TRPM3: variants seen among roughly 807,000 people sequenced by gnomAD.
The protein encoded by TRPM3 is long transient receptor potential channel 3.
Under a neutral mutation model 181.2 loss-of-function variants are expected in TRPM3, and 77 were observed. The observed-to-expected ratio is 0.42, with a 90% CI of 0.35 to 0.51. The LOEUF (loss-of-function observed/expected upper bound fraction) is 0.51, where lower values mean the gene tolerates loss of function less well. TRPM3 is among the 20% of genes least tolerant of loss of function. TRPM3 has a pLI of 0.01. For synonymous variants in TRPM3, 745 were observed against 796.4 expected (o/e 0.94, Z 1.09); for missense variants, 1,759 against 2,196.7 (o/e 0.80, Z 3.98).
At chr9:71,285,684 C>G (rs1373747338) in intron 1 of TRPM3, among the ~76,000 whole-genome samples, 2 of 152,176 alleles carry the variant, frequency 1.3e-5, no homozygotes, top group African/African-American at 4.8e-5. Flanking sequence ...AGACATCATA[C>G]AAGGCTTTCT....
At chr9:71,375,840 A>G (rs1253026910) in intron 1 of TRPM3, among the ~76,000 whole-genome samples, 2 of 152,156 alleles carry the variant, frequency 1.3e-5, no homozygotes, top group South Asian at 2.1e-4. Context: ...TTTTAGCAAT[A>G]AAGTGTTTTT....
intron 1 of TRPM3, among the ~76,000 whole-genome samples, chr9:71,399,528 T>TTTTTG (rs2093288151): frequency 1.7e-5 from 2 of 114,710 alleles, no homozygotes; most frequent in African/African-American, 8.4e-5. Context: ...TTTCTTTTGT[T>TTTTTG]TTTTTTTTTT....
At chr9:70,654,725 C>G (rs1300965831) in intron 9 of TRPM3, among the ~76,000 whole-genome samples, 3 of 151,016 alleles carry the variant, frequency 2.0e-5, no homozygotes, top group South Asian at 4.2e-4. Flanking sequence ...CTCTGTCACC[C>G]AGGCTGGAGT....
At chr9:71,035,978 T>C (rs2058139215) in intron 1 of TRPM3, among the ~76,000 whole-genome samples, 1 of 132,694 alleles carries the variant, frequency 7.5e-6, no homozygotes, top group Non-Finnish European at 1.6e-5. Flanking sequence ...GATGCAAACA[T>C]AGGCTTTTTT....
intron 1 of TRPM3, among the ~76,000 whole-genome samples, chr9:71,360,079 TGTTA>T (rs1175054157): frequency 1.3e-5 from 2 of 152,056 alleles, no homozygotes; most frequent in Non-Finnish European, 1.5e-5. Context: ...CTACAATTAG[TGTTA>T]GTTATTATTA....
At chr9:71,120,789 G>GAGAGAAAGAAAAGCCCAGGAGCC (rs1343251508) in intron 1 of TRPM3, among the ~76,000 whole-genome samples, 3 of 152,192 alleles carry the variant, frequency 2.0e-5, no homozygotes. Context: ...TCCCCAGGGA[G>GAGAGAAAGAAAAGCCCAGGAGCC]AGAGAAAGAA....
chr9:70,756,043 T>C (rs185329374), intron 8 of TRPM3, among the ~76,000 whole-genome samples: 2 of 152,112 alleles, frequency 1.3e-5, no homozygotes, highest in Non-Finnish European at 2.9e-5. Context: ...CTCATCGGTA[T>C]GCTGTATTCT....
chr9:70,832,059 G>A (rs7865450), intron 5 of TRPM3, among the ~76,000 whole-genome samples: 64,189 of 122,418 alleles, frequency 0.52, 17,265 homozygotes, highest in Non-Finnish European at 0.56. Context: ...ACCAAACACC[G>A]CATATTCTCA....
intron 1 of TRPM3, among the ~76,000 whole-genome samples, chr9:70,864,803 C>A (rs2132444831): frequency 6.6e-6 from 1 of 152,034 alleles, no homozygotes; most frequent in Non-Finnish European, 1.5e-5. Context: ...AACAGAAAGA[C>A]AATGCTATTT....
At chr9:71,168,556 ATTTATTTATTTATTTATTT>A (rs2076658952) in intron 1 of TRPM3, among the ~76,000 whole-genome samples, 1 of 57,082 alleles carries the variant, frequency 1.8e-5, no homozygotes, top group African/African-American at 7.3e-5. Context: ...TTATTTATTT[ATTTATTTATTTATTTATTT>A]TTGTTTTTTA....
chr9:70,536,969 A>T lies in TRPM3; in HGVS notation c.4144T>A (p.Ser1382Thr). Residue 1382 changes from serine to threonine, a missense_variant, in exon 26 of 26, where the codon TCC becomes ACC. Physicochemically the swap from Ser to Thr is moderately conservative, Grantham distance 58. Coordinates refer to ENST00000677713, the MANE Select transcript of TRPM3 (RefSeq NM_001366145.2). ...RSLSLHRATSSHSVAKEPKAP... is the reference protein window; with the variant it reads ...RSLSLHRATSTHSVAKEPKAP... ...TTGGGTTCTTTTGCTACAGAGTGGG[A>T]ACTAGTAGCCCGGTGTAGGCTCAGG... is the stretch of plus-strand genomic sequence containing the variant. 2 of 1,613,834 alleles carry T rather than the reference A, an allele frequency of 1.2e-6. No homozygotes were observed. The highest frequency in any genetic ancestry group is 1.7e-6 in the Non-Finnish European group (2 of 1,179,752).
intron 1 of TRPM3, among the ~76,000 whole-genome samples, chr9:71,231,002 G>A (rs1456058587): frequency 6.6e-6 from 1 of 152,110 alleles, no homozygotes; most frequent in Non-Finnish European, 1.5e-5. Flanking sequence ...AATTTAACCA[G>A]TTTTTCCTAG....
intron 1 of TRPM3, among the ~76,000 whole-genome samples, chr9:71,290,174 T>C (rs535562888): frequency 9.9e-5 from 15 of 151,986 alleles, no homozygotes; most frequent in Non-Finnish European, 2.2e-4. Context: ...TGATGGGGCA[T>C]AGGTGATACG....
intron 1 of TRPM3, among the ~76,000 whole-genome samples, chr9:71,376,256 AT>A (rs1045127194): frequency 4.6e-5 from 7 of 152,022 alleles, no homozygotes; most frequent in African/African-American, 1.7e-4. Flanking sequence ...ATATCTCATC[AT>A]TTTTATTTAG....
chr9:71,328,976 T>C (rs553704817), intron 1 of TRPM3, among the ~76,000 whole-genome samples: 4 of 152,186 alleles, frequency 2.6e-5, no homozygotes, highest in Non-Finnish European at 4.4e-5. Flanking sequence ...GTAGACTTCA[T>C]TGGATTCAAA....
At chr9:71,061,898 A>T (rs1946219227) in intron 1 of TRPM3, among the ~76,000 whole-genome samples, 1 of 152,018 alleles carries the variant, frequency 6.6e-6, no homozygotes, top group Admixed American at 6.6e-5. Flanking sequence ...TCTGGACCCA[A>T]GGGGAGAGGG....
At chr9:71,426,598 T>G (rs1283998597) in intron 1 of TRPM3, among the ~76,000 whole-genome samples, 1 of 152,150 alleles carries the variant, frequency 6.6e-6, no homozygotes, top group Non-Finnish European at 1.5e-5. Context: ...CATGCTGTAA[T>G]GTTCTGCTGT....
chr9:70,870,224 G>T (rs567213793), intron 1 of TRPM3, among the ~76,000 whole-genome samples: 1 of 151,968 alleles, frequency 6.6e-6, no homozygotes, highest in African/African-American at 2.4e-5. Flanking sequence ...ACTTGAATTC[G>T]GTCCTGAGCC....
chr9:71,409,435 C>CA (rs1364933263), intron 1 of TRPM3, among the ~76,000 whole-genome samples: 7 of 151,766 alleles, frequency 4.6e-5, no homozygotes, highest in Non-Finnish European at 7.4e-5. Context: ...AAATGGAAAA[C>CA]AAAAAAAGGC....
Sources: allele counts gnomAD v4.1 joint callset (sites outside exome capture counted in the v4.1 genomes callset), GRCh38; gene constraint gnomAD v4.1.1; transcripts MANE v1.5; gene names NCBI Gene and HGNC (gene_info 2026-07-23, HGNC 2026-07-21).